The following SLC38A12 variants were observed in gnomAD, a reference collection of about 807,000 sequenced individuals.
The protein encoded by SLC38A12 is putative sodium-coupled neutral amino acid transporter 12.
the SLC38A12 span, among the ~76,000 whole-genome samples, chr17:74,806,024 G>A: frequency 6.6e-6 from 1 of 152,202 alleles, no homozygotes; most frequent in Admixed American, 6.5e-5. Context: ...CGAGGCCCAT[G>A]GGCACACACA....
the SLC38A12 span, chr17:74,777,744 A>T: frequency 3.5e-6 from 2 of 567,886 alleles, no homozygotes; most frequent in Non-Finnish European, 5.9e-6. Context: ...ACATGGTAAA[A>T]CCCTGTCTCT....
chr17:74,777,354 C>G, the SLC38A12 span: 1 of 1,614,082 alleles, frequency 6.2e-7, no homozygotes, highest in Non-Finnish European at 8.5e-7. Flanking sequence ...TTACAGAGAC[C>G]GGGGAACTCT....
the SLC38A12 span, among the ~76,000 whole-genome samples, chr17:74,814,763 T>G: frequency 6.6e-6 from 1 of 152,138 alleles, no homozygotes; most frequent in African/African-American, 2.4e-5. Flanking sequence ...ACAAAGCTTT[T>G]GTGAGCATCC....
the SLC38A12 span, chr17:74,795,633 G>C: frequency 6.2e-7 from 1 of 1,612,486 alleles, no homozygotes; most frequent in Non-Finnish European, 8.5e-7. Context: ...CATCTACTTG[G>C]TGAGTGTCTG....
the SLC38A12 span, among the ~76,000 whole-genome samples, chr17:74,784,281 A>T: frequency 4.6e-5 from 7 of 152,354 alleles, no homozygotes; most frequent in East Asian, 1.3e-3. Flanking sequence ...AGCAGAGTAC[A>T]GGAAGACCAG....
At chr17:74,780,391 G>T in the SLC38A12 span, among the ~76,000 whole-genome samples, 2 of 152,202 alleles carry the variant, frequency 1.3e-5, no homozygotes, top group African/African-American at 4.8e-5. Context: ...AGCAGTGCCT[G>T]TGCCTCCTCC....
the SLC38A12 span, chr17:74,795,614 C>T: frequency 7.4e-6 from 12 of 1,613,702 alleles, no homozygotes; most frequent in African/African-American, 6.7e-5. Context: ...GCCGAGTGGA[C>T]GCCTACCGCA....
the SLC38A12 span, among the ~76,000 whole-genome samples, chr17:74,783,885 C>G: frequency 6.6e-6 from 1 of 151,648 alleles, no homozygotes; most frequent in African/African-American, 2.4e-5. Flanking sequence ...CACACGCCAC[C>G]CCCCAGCTAA....
At chr17:74,836,292 A>T in the SLC38A12 span, 1 of 1,612,404 alleles carries the variant, frequency 6.2e-7, no homozygotes, top group Non-Finnish European at 8.5e-7. The surrounding 1 kb of genome is among the most constrained non-coding windows in gnomAD (Gnocchi z 4.2). Context: ...CTTCACCATC[A>T]GCACCAACTT....
chr17:74,789,964 T>TTTTG, the SLC38A12 span, among the ~76,000 whole-genome samples: 3 of 141,972 alleles, frequency 2.1e-5, no homozygotes, highest in African/African-American at 9.0e-5. Context: ...TGTTTTTTTG[T>TTTTG]TTTTTTGAGA....
At chr17:74,801,467 G>A in the SLC38A12 span, among the ~76,000 whole-genome samples, 1 of 152,308 alleles carries the variant, frequency 6.6e-6, no homozygotes, top group East Asian at 1.9e-4. Context: ...CACATATGCT[G>A]AGCCTTTGAG....
the SLC38A12 span, among the ~76,000 whole-genome samples, chr17:74,813,077 A>T: frequency 2.6e-5 from 4 of 152,328 alleles, no homozygotes; most frequent in Non-Finnish European, 4.4e-5. Context: ...AGTAGTGTTC[A>T]TGGGAGCCAG....
chr17:74,787,587 A>G, the SLC38A12 span, among the ~76,000 whole-genome samples: 24 of 149,836 alleles, frequency 1.6e-4, no homozygotes, highest in Non-Finnish European at 3.3e-4. Context: ...GCGCCACTGC[A>G]GTCCGCAGTC....
chr17:74,835,006 T>C, the SLC38A12 span, among the ~76,000 whole-genome samples: 1 of 152,202 alleles, frequency 6.6e-6, no homozygotes, highest in Admixed American at 6.5e-5. Flanking sequence ...TCTGGGGAAC[T>C]CAGCCTGGAG....
chr17:74,820,851 G>A, the SLC38A12 span, among the ~76,000 whole-genome samples: 8 of 152,200 alleles, frequency 5.3e-5, no homozygotes, highest in African/African-American at 1.7e-4. Flanking sequence ...TCAGCAGCGG[G>A]TCATGGTCGC....
At chr17:74,818,977 TTTGAC>T in the SLC38A12 span, among the ~76,000 whole-genome samples, 1 of 152,130 alleles carries the variant, frequency 6.6e-6, no homozygotes, top group Admixed American at 6.5e-5. Flanking sequence ...TGAGACAGAG[TTTGAC>T]TTTTGTTTTT....
the SLC38A12 span, chr17:74,776,555 CTTG>C: frequency 7.0e-6 from 1 of 143,716 alleles, no homozygotes; most frequent in Non-Finnish European, 1.5e-5. Flanking sequence ...GAGACGGCGG[CTTG>C]GGAGCTGGCT....
chr17:74,782,397 C>T, the SLC38A12 span, among the ~76,000 whole-genome samples: 1 of 152,030 alleles, frequency 6.6e-6, no homozygotes, highest in African/African-American at 2.4e-5. Flanking sequence ...TCTGTTTCCT[C>T]CTCCTTAGAA....
the SLC38A12 span, among the ~76,000 whole-genome samples, chr17:74,778,503 G>T: frequency 1.3e-5 from 2 of 152,154 alleles, no homozygotes; most frequent in Non-Finnish European, 2.9e-5. Context: ...ACAAGGAAGT[G>T]TCTCCAAGAC....
Sources: allele counts gnomAD v4.1 joint callset (sites outside exome capture counted in the v4.1 genomes callset), GRCh38; gene constraint gnomAD v4.1.1; non-coding constraint Gnocchi (gnomAD v3.1); transcripts MANE v1.5; gene names NCBI Gene and HGNC (gene_info 2026-07-23, HGNC 2026-07-21).